The following DLG2 variants were observed in gnomAD, a reference collection of about 807,000 sequenced individuals.
The protein encoded by DLG2 is disks large homolog 2.
In DLG2, 45 loss-of-function variants were observed where a neutral mutation model predicts 132.5. The observed-to-expected ratio is 0.34, with a 90% confidence interval of 0.27 to 0.44. The LOEUF (loss-of-function observed/expected upper bound fraction) is 0.44, where lower values mean the gene tolerates loss of function less well. DLG2 is among the 20% of genes least tolerant of loss of function. DLG2 has a pLI of 1.00. For synonymous variants in DLG2, 424 were observed against 419.6 expected (o/e 1.01, Z -0.13); for missense variants, 1,045 against 1,196.9 (o/e 0.87, Z 1.87).
chr11:85,492,430 T>C (rs763938677), intron 3 of DLG2, among the ~76,000 whole-genome samples: 24 of 152,168 alleles, frequency 1.6e-4, no homozygotes, highest in Non-Finnish European at 2.8e-4. Context: ...AGATATACCA[T>C]GGTTTTCTAA....
chr11:83,652,675 A>T (rs1165846231), intron 18 of DLG2, among the ~76,000 whole-genome samples: 1 of 151,974 alleles, frequency 6.6e-6, no homozygotes, highest in Non-Finnish European at 1.5e-5. Flanking sequence ...CCTAGCCTAG[A>T]TGTGTGTTTT....
intron 3 of DLG2, among the ~76,000 whole-genome samples, chr11:85,356,302 G>C (rs286052): frequency 0.44 from 66,113 of 151,680 alleles, 15,243 homozygotes; most frequent in Middle Eastern, 0.59. Flanking sequence ...AGGCATTTTT[G>C]CCTTTAACAC....
chr11:84,380,179 G>A (rs1474185930), intron 7 of DLG2, among the ~76,000 whole-genome samples: 1 of 152,012 alleles, frequency 6.6e-6, no homozygotes, highest in Admixed American at 6.6e-5. Flanking sequence ...GATGCTCATG[G>A]AAACCTGTAA....
At chr11:84,532,898 A>G (rs866915992) in intron 7 of DLG2, among the ~76,000 whole-genome samples, 1 of 152,126 alleles carries the variant, frequency 6.6e-6, no homozygotes, top group African/African-American at 2.4e-5. Flanking sequence ...CCCTTTCTCA[A>G]TTTTCAGTGG....
rs1327546504 is a variant in DLG2 at position 84,365,607 on chromosome 11, G to A, written c.520-114316C>T. Among the ~76,000 whole-genome samples the A allele has an allele frequency of 3.9e-5, 6 of 151,956 alleles. No homozygotes were observed. In the South Asian group the frequency reaches 1.0e-3, roughly 26 times the overall value. On this transcript the variant is annotated intron_variant, in intron 7 of 27. Transcript: ENST00000376104. ...TAGTTCTTTTAATTGTGATGTTAGG[G>A]TGTCAATTTTGGATCTTTCCTGCTT...
intron 7 of DLG2, among the ~76,000 whole-genome samples, chr11:84,394,950 T>TGCC (rs1393016085): frequency 2.6e-5 from 4 of 152,120 alleles, no homozygotes; most frequent in Non-Finnish European, 5.9e-5. Flanking sequence ...CTCTGCCACA[T>TGCC]GCTGTTTATC....
At chr11:84,317,157 G>A in intron 7 of DLG2, 1 of 1,600,186 alleles carries the variant, frequency 6.2e-7, no homozygotes, top group Non-Finnish European at 8.5e-7. Context: ...CTGCACTGAT[G>A]CCTACTCTTT....
At chr11:84,351,245 A>T (rs1403083207) in intron 7 of DLG2, among the ~76,000 whole-genome samples, 1 of 152,180 alleles carries the variant, frequency 6.6e-6, no homozygotes, top group Non-Finnish European at 1.5e-5. Flanking sequence ...GACTTTTAGT[A>T]AATACAGGGG....
chr11:84,226,450 G>C (rs2096995815), intron 8 of DLG2, among the ~76,000 whole-genome samples: 1 of 152,106 alleles, frequency 6.6e-6, no homozygotes, highest in Non-Finnish European at 1.5e-5. Context: ...TCCTAATTCA[G>C]GGATCAAAAT....
intron 17 of DLG2, among the ~76,000 whole-genome samples, chr11:83,795,234 T>A (rs1278303536): frequency 6.6e-6 from 1 of 151,836 alleles, no homozygotes; most frequent in Non-Finnish European, 1.5e-5. Flanking sequence ...CGAAACCCCG[T>A]CTCTACTAAA....
intron 5 of DLG2, chr11:85,133,079 C>G: frequency 3.0e-6 from 1 of 335,456 alleles, no homozygotes; most frequent in Non-Finnish European, 5.9e-6. Context: ...TAGCGGATTC[C>G]TTGATTGGAA....
chr11:85,546,166 G>A (rs1331122331), intron 3 of DLG2, among the ~76,000 whole-genome samples: 1 of 152,136 alleles, frequency 6.6e-6, no homozygotes, highest in Non-Finnish European at 1.5e-5. Context: ...CTTTAAATGT[G>A]TCCCAGAGAT....
At chr11:85,423,730 T>A (rs1174602949) in intron 3 of DLG2, among the ~76,000 whole-genome samples, 1 of 152,080 alleles carries the variant, frequency 6.6e-6, no homozygotes, top group Non-Finnish European at 1.5e-5. Flanking sequence ...CAGTCACAGA[T>A]CTCATCCAGC....
chr11:84,189,150 A>G (rs2096349139), intron 8 of DLG2, among the ~76,000 whole-genome samples: 1 of 152,186 alleles, frequency 6.6e-6, no homozygotes, highest in South Asian at 2.1e-4. Flanking sequence ...GCAGCTTTCA[A>G]GAATCTTGGG....
chr11:84,313,111 T>G (rs1298989547), intron 7 of DLG2, among the ~76,000 whole-genome samples: 1 of 150,480 alleles, frequency 6.6e-6, no homozygotes. Context: ...ACCTGGCCAA[T>G]TTTTTTCTTT....
chr11:83,905,807 G>A (rs567092963), intron 15 of DLG2, among the ~76,000 whole-genome samples: 11 of 152,154 alleles, frequency 7.2e-5, no homozygotes, highest in South Asian at 6.2e-4. Flanking sequence ...CACCTTTGAC[G>A]TAAGCCATTT....
chr11:84,333,473 A>C lies in DLG2; in HGVS notation c.520-82182T>G, dbSNP rs1484826465. Among the ~76,000 whole-genome samples the C allele has an allele frequency of 4.6e-5, 7 of 152,332 alleles. No individual in the cohort carries two copies. In the East Asian group the frequency reaches 1.3e-3, roughly 29 times the overall value. On this transcript the variant is annotated intron_variant, in intron 7 of 27. Coordinates refer to ENST00000376104, the MANE Select transcript of DLG2 (RefSeq NM_001142699.3). ...CTGCTGTATGCTTCTACTGGATCAG[A>C]AAAGAGCTGGCCCCTTTTCAAAAGC...
chr11:83,680,535 A>T (rs1033826930), intron 18 of DLG2, among the ~76,000 whole-genome samples: 4 of 152,166 alleles, frequency 2.6e-5, no homozygotes, highest in African/African-American at 9.7e-5. Flanking sequence ...TGAGCCAAAC[A>T]TAAGACATTT....
chr11:85,428,348 T>A (rs909647564), intron 3 of DLG2, among the ~76,000 whole-genome samples: 2 of 152,140 alleles, frequency 1.3e-5, no homozygotes, highest in East Asian at 3.9e-4. Context: ...CACACCCCAC[T>A]TATTCCAAAA....
Sources: gnomAD v4.1 joint callset for allele counts (sites outside exome capture counted in the v4.1 genomes callset) on GRCh38, gnomAD v4.1.1 for gene constraint, MANE v1.5 for transcripts, NCBI Gene and HGNC (gene_info 2026-07-23, HGNC 2026-07-21) for gene names.